The following SLC27A2 variants were observed in gnomAD, a reference collection of about 807,000 sequenced individuals.
The protein encoded by SLC27A2 is solute carrier family 27 member 2, also known as long-chain fatty acid transport protein 2.
In SLC27A2, 54 loss-of-function variants were observed where a neutral mutation model predicts 60.0. The observed-to-expected ratio is 0.90, with a 90% CI of 0.72 to 1.13. SLC27A2 has a LOEUF of 1.13. Ranked by LOEUF, SLC27A2 falls within the 50% of genes most tolerant of loss-of-function variation. SLC27A2 has a pLI of 0.00. For missense variants in SLC27A2, 739 were observed against 777.6 expected (o/e 0.95, Z 0.59); for synonymous variants, 297 against 297.6 (o/e 1.00, Z 0.02).
chr15:50,182,360 C>T lies in SLC27A2; in HGVS notation c.-68C>T. ...CCCGCCAGTCCGCCCGGAGCCCGCC[C>T]AGTCGCCGCGCTGCACGCCCGGGGT... On this transcript the variant is annotated 5_prime_UTR_variant, in exon 1 of 10. Coordinates refer to ENST00000267842, the MANE Select transcript of SLC27A2 (RefSeq NM_003645.4). The T allele has an allele frequency of 7.1e-7, 1 of 1,407,608 alleles. No individual in the cohort carries two copies. Among genetic ancestry groups the T allele is most frequent in the Non-Finnish European group, 9.2e-7 (1 of 1,083,034 alleles). The allele number at this position is 1,407,608 out of a possible 1,614,324, so 87.2% of individuals were successfully genotyped here.
intron 8 of SLC27A2, among the ~76,000 whole-genome samples, chr15:50,232,106 C>G (rs1317626964): frequency 6.6e-6 from 1 of 152,184 alleles, no homozygotes; most frequent in Non-Finnish European, 1.5e-5. Flanking sequence ...AGTCCCATTC[C>G]AGACTAGAAA....
intron 1 of SLC27A2, among the ~76,000 whole-genome samples, chr15:50,190,082 G>A (rs2044961260): frequency 6.6e-6 from 1 of 152,156 alleles, no homozygotes. Flanking sequence ...GGGGAAGAAG[G>A]AGGAGCACAT....
At chr15:50,226,157 GC>G (rs1808468301) in intron 6 of SLC27A2, 79 bp downstream of exon 6, 1 of 856,590 alleles carries the variant, frequency 1.2e-6, no homozygotes, top group African/African-American at 1.7e-5. Flanking sequence ...ACATATTATT[GC>G]CACATGGTAA....
In SLC27A2 at chr15:50,185,363, A is replaced by C. The variant is rs201232091; in HGVS notation, c.478+2458A>C. On this transcript the variant is annotated intron_variant, in intron 1 of 9. Coordinates refer to ENST00000267842, the MANE Select transcript of SLC27A2 (RefSeq NM_003645.4). Reference sequence around the variant, plus strand: ...TGAGGGAGGCCACATATTTGAAAAAAAATCAGTTTTTCCAAATCACTGAGA... The same window carrying C: ...TGAGGGAGGCCACATATTTGAAAAACAATCAGTTTTTCCAAATCACTGAGA... Among the ~76,000 whole-genome samples, 18 of 152,302 alleles carry C rather than the reference A, an allele frequency of 1.2e-4. No homozygotes were observed. In the East Asian group the frequency reaches 3.3e-3, roughly 28 times the overall value.
chr15:50,231,700 A>G lies in SLC27A2; in HGVS notation c.1556-2168A>G, dbSNP rs1231375665. 4.6e-5 allele frequency among the ~76,000 whole-genome samples: 7 copies of G among 152,250 alleles called. No homozygotes were observed. In the South Asian group the frequency reaches 1.2e-3, roughly 27 times the overall value. Reference sequence around the variant, plus strand: ...TCCCAAGTGAATCTAATGATCAGTGAGTTCTGGGAGCCACTGAAACAGAAC... The same window carrying G: ...TCCCAAGTGAATCTAATGATCAGTGGGTTCTGGGAGCCACTGAAACAGAAC... On this transcript the variant is annotated intron_variant, in intron 8 of 9. Transcript: ENST00000267842.
chr15:50,197,865 C>A (rs775627666), intron 2 of SLC27A2, among the ~76,000 whole-genome samples, 156 bp downstream of exon 2: 2 of 152,162 alleles, frequency 1.3e-5, no homozygotes, highest in Non-Finnish European at 2.9e-5. Flanking sequence ...TATTTCATAG[C>A]ATGTGATCCC....
Position 50,182,847 on chromosome 15 carries a change from G to T in SLC27A2, c.420G>T (p.Ala140=), listed in dbSNP as rs372514320. The change falls in exon 1 of 10, where the codon GCG becomes GCT. Residue 140 remains alanine (A), a synonymous_variant. Coordinates refer to ENST00000267842, the MANE Select transcript of SLC27A2 (RefSeq NM_003645.4). Reference sequence around the variant, plus strand: ...CGTGCCTCAATTACAACATCCGCGCGAAGTCCCTGCTGCACTGCTTCCAGT... The same window carrying T: ...CGTGCCTCAATTACAACATCCGCGCTAAGTCCCTGCTGCACTGCTTCCAGT... ...AMACLNYNIR[A]KSLLHCFQCC... 1.7e-5 allele frequency: 27 copies of T among 1,613,040 alleles called. No homozygotes were observed. Among genetic ancestry groups the T allele is most frequent in the Non-Finnish European group, 2.2e-5 (26 of 1,179,972 alleles).
chr15:50,203,586 T>C (rs991436211), intron 3 of SLC27A2, among the ~76,000 whole-genome samples: 4 of 152,170 alleles, frequency 2.6e-5, no homozygotes, highest in African/African-American at 7.2e-5. Flanking sequence ...TGGCATTTCA[T>C]TTTAAATAAT....
intron 3 of SLC27A2, 118 bp from the exon 4 acceptor site, chr15:50,205,121 T>C (rs980677888): frequency 8.6e-5 from 110 of 1,280,190 alleles, no homozygotes; most frequent in Non-Finnish European, 1.1e-4. Context: ...TACTCAATAC[T>C]TGTTTGCAAA....
In SLC27A2 at chr15:50,202,551, A is replaced by G; in HGVS notation, c.753A>G (p.Val251=). The change falls in exon 3 of 10, where the codon GTA becomes GTG. Residue 251 remains valine (V), a synonymous_variant. Transcript: ENST00000267842. ...GGTATGGAACTGGCCTCACTTTTGT[A>G]AGCGGATTGAAGGCAGATGATGTCA... is the stretch of plus-strand genomic sequence containing the variant. ...RIWYGTGLTF[V]SGLKADDVIY... The G allele has an allele frequency of 6.2e-7, 1 of 1,614,180 alleles. No individual in the cohort carries two copies. Among genetic ancestry groups the G allele is most frequent in the Non-Finnish European group, 8.5e-7 (1 of 1,180,016 alleles).
In SLC27A2 at chr15:50,233,900, A is replaced by G; in HGVS notation, c.1588A>G (p.Lys530Glu). The change falls in exon 9 of 10, where the codon AAA (lysine) becomes GAA (glutamate). Residue 530 changes from lysine (K) to glutamate (E), a missense_variant. By Grantham distance (56) the Lys-to-Glu change is moderately conservative. Transcript: ENST00000267842. Reference sequence around the variant, plus strand: ...GGGTCGCATTGGCATGGCCTCCATCAAAATGAAAGAAAACCATGAATTTGA... The same window carrying G: ...GGGTCGCATTGGCATGGCCTCCATCGAAATGAAAGAAAACCATGAATTTGA... ...HEGRIGMASI[K>E]MKENHEFDGK... The G allele has an allele frequency of 6.2e-7, 1 of 1,614,000 alleles. No individual in the cohort carries two copies. Among genetic ancestry groups the G allele is most frequent in the South Asian group, 1.1e-5 (1 of 91,076 alleles).
intron 9 of SLC27A2, among the ~76,000 whole-genome samples, 175 bp downstream of exon 9, chr15:50,234,173 C>T (rs1474358986): frequency 1.3e-5 from 2 of 152,074 alleles, no homozygotes; most frequent in South Asian, 2.1e-4. Context: ...AGGCTGGGTG[C>T]GGTGGCTCAT....
rs1194795909 is a variant in SLC27A2, at chr15:50,182,512, G to A, written c.85G>A (p.Asp29Asn). 11 of 1,612,324 alleles carry A rather than the reference G, an allele frequency of 6.8e-6. No homozygotes were observed. The highest frequency in any genetic ancestry group is 8.5e-6 in the Non-Finnish European group (10 of 1,179,348). The change falls in exon 1 of 10, where the codon GAC (aspartate) becomes AAC (asparagine). Residue 29 changes from aspartate (D) to asparagine (N), a missense_variant. Physicochemically the swap from Asp to Asn is conservative, Grantham distance 23 (BLOSUM62 1). Transcript: ENST00000267842. ...VNLCCPYFFQ[D>N]IGYFLKVAAV... ...CCTCTGCTGCCCATACTTCTTCCAG[G>A]ACATAGGCTACTTCTTGAAGGTGGC... is the stretch of plus-strand genomic sequence containing the variant.
At position 50,190,109 on chromosome 15, in the gene SLC27A2, A is replaced by C. The variant is rs80304246; in HGVS notation, c.478+7204A>C. 3.7e-3 allele frequency among the ~76,000 whole-genome samples: 566 copies of C among 152,258 alleles called. 19 individuals are homozygous for C. The East Asian group carries it at 0.098, about 26-fold the overall frequency. ...GGAGCACATGCATGTCTCTCTCTCT[A>C]TATATAGTATTATAATGTGCATCAT... On this transcript the variant is annotated intron_variant, in intron 1 of 9. Coordinates refer to ENST00000267842, the MANE Select transcript of SLC27A2 (RefSeq NM_003645.4).
chr15:50,193,548 T>C (rs1020265729), intron 1 of SLC27A2, among the ~76,000 whole-genome samples: 1 of 152,230 alleles, frequency 6.6e-6, no homozygotes, highest in African/African-American at 2.4e-5. Context: ...GATTTCACAA[T>C]TCTTTAGCAG....
At chr15:50,218,927 A>G (rs2140909650) in intron 4 of SLC27A2, among the ~76,000 whole-genome samples, 2 of 152,360 alleles carry the variant, frequency 1.3e-5, no homozygotes, top group South Asian at 4.1e-4. Flanking sequence ...AGATTTCACC[A>G]TGAGGAAAAT....
chr15:50,194,018 C>T (rs543271853), intron 1 of SLC27A2, among the ~76,000 whole-genome samples: 1 of 152,068 alleles, frequency 6.6e-6, no homozygotes, highest in Non-Finnish European at 1.5e-5. Context: ...GGGCATGGTA[C>T]TCCTGTAGTC....
rs758862790 is a variant in SLC27A2 at position 50,199,932 on chromosome 15, A to T, written c.688+2223A>T. Among the ~76,000 whole-genome samples the T allele has an allele frequency of 2.6e-5, 4 of 152,260 alleles. No individual in the cohort carries two copies. The South Asian group carries it at 8.3e-4, about 32-fold the overall frequency. On this transcript the variant is annotated intron_variant, in intron 2 of 9. Coordinates refer to ENST00000267842, the MANE Select transcript of SLC27A2 (RefSeq NM_003645.4). ...AAGGCACTGTCTGTAGAAAAAAAAT[A>T]GTGCTAAGTTACTCTTGTAAACATT...
At chr15:50,190,485 T>C (rs577243933) in intron 1 of SLC27A2, among the ~76,000 whole-genome samples, 1 of 152,342 alleles carries the variant, frequency 6.6e-6, no homozygotes, top group South Asian at 2.1e-4. Flanking sequence ...AATGTTTTCC[T>C]ATTGGAAAGC....
Sources: allele counts gnomAD v4.1 joint callset (sites outside exome capture counted in the v4.1 genomes callset), GRCh38; gene constraint gnomAD v4.1.1; transcripts MANE v1.5; gene names NCBI Gene and HGNC (gene_info 2026-07-23, HGNC 2026-07-21).